NAF1: variants seen among roughly 807,000 people sequenced by gnomAD.
NAF1 encodes H/ACA ribonucleoprotein complex non-core subunit NAF1.
Under a neutral mutation model 40.6 loss-of-function variants are expected in NAF1, and 11 were observed. The ratio of observed to expected loss-of-function variants is 0.27; its 90% CI spans 0.17 to 0.45. NAF1 has a LOEUF of 0.45. Ranked by LOEUF, NAF1 falls within the 20% of genes least tolerant of loss-of-function variation. The probability of loss-of-function intolerance (pLI) is 1.00; values close to 1 mark genes in which losing one functional copy is unlikely to be tolerated. For missense variants in NAF1, 607 were observed against 611.1 expected (o/e 0.99, Z 0.07); for synonymous variants, 260 against 228.5 (o/e 1.14, Z -1.24).
At chr4:163,106,154 CCAAA>C (rs755517600), downstream of NAF1, among the ~76,000 whole-genome samples, 31 of 152,084 alleles carry the variant, frequency 2.0e-4, no homozygotes, top group African/African-American at 5.8e-4. Context: ...GACAGTTATC[CCAAA>C]CAAAGACATA....
intron 5 of NAF1, 41 bp downstream of exon 5, chr4:163,140,182 C>T (rs750413547): frequency 5.5e-6 from 8 of 1,466,170 alleles, no homozygotes; most frequent in South Asian, 5.3e-5. Context: ...AAAATATAAA[C>T]GTTAGGTAAG....
intron 3 of NAF1, among the ~76,000 whole-genome samples, chr4:163,148,068 G>C (rs998631633): frequency 6.6e-6 from 1 of 151,872 alleles, no homozygotes; most frequent in Non-Finnish European, 1.5e-5. Context: ...GCAGTAATTT[G>C]GTATAGCAAC....
chr4:163,104,403 A>C, the NAF1 span, among the ~76,000 whole-genome samples: 1 of 152,192 alleles, frequency 6.6e-6, no homozygotes, highest in Non-Finnish European at 1.5e-5. Context: ...GTTTTCAATA[A>C]ATTTGAACAT....
At chr4:163,124,995 T>C (rs1730612297), downstream of NAF1, among the ~76,000 whole-genome samples, 2 of 152,240 alleles carry the variant, frequency 1.3e-5, no homozygotes, top group Non-Finnish European at 1.5e-5. Context: ...CTGTTATTTG[T>C]GTTATAGCGA....
chr4:163,128,811 A>T lies in NAF1; in HGVS notation c.*86T>A, dbSNP rs761223601. ...TTAGTATTTTACAGTGTTTTTAAAAATCTAGCTCCATAATCACTCTTGAAA... is the reference window on the plus strand; with the variant it reads ...TTAGTATTTTACAGTGTTTTTAAAATTCTAGCTCCATAATCACTCTTGAAA... On this transcript the variant is annotated 3_prime_UTR_variant, in exon 8 of 8. Transcript: ENST00000274054. 12 of 1,383,470 alleles carry T rather than the reference A, an allele frequency of 8.7e-6. No homozygotes were observed. Among genetic ancestry groups the T allele is most frequent in the Non-Finnish European group, 1.2e-5 (12 of 1,043,370 alleles). 85.7% of individuals were successfully genotyped at this position (1,383,470 alleles called of 1,614,324 possible). A position where few individuals can be genotyped will look rare whatever the true frequency, so the allele number is the denominator to read the frequency against.
At chr4:163,144,008 GAAC>G (rs143013970) in intron 4 of NAF1, 7 of 960,966 alleles carry the variant, frequency 7.3e-6, no homozygotes, top group Middle Eastern at 5.4e-4. Context: ...AGGGGGTGGG[GAAC>G]AACACTCCAT....
At chr4:163,116,132 A>G (rs543982970) in intron 2 of NAF1, among the ~76,000 whole-genome samples, 1 of 152,216 alleles carries the variant, frequency 6.6e-6, no homozygotes, top group Non-Finnish European at 1.5e-5. Flanking sequence ...ATCTGATGAC[A>G]CATCATCAGT....
At chr4:163,140,905 G>C (rs1460646439) in intron 4 of NAF1, among the ~76,000 whole-genome samples, 2 of 152,134 alleles carry the variant, frequency 1.3e-5, no homozygotes, top group African/African-American at 4.8e-5. Flanking sequence ...TAAAGTAGAA[G>C]TTATTTATGT....
chr4:163,155,228 G>A (rs1731928985), intron 2 of NAF1, among the ~76,000 whole-genome samples: 1 of 151,978 alleles, frequency 6.6e-6, no homozygotes, highest in Non-Finnish European at 1.5e-5. Context: ...TAAACACATT[G>A]TTGTCCAATA....
At chr4:163,155,643 T>C (rs1318365122) in intron 2 of NAF1, among the ~76,000 whole-genome samples, 1 of 152,184 alleles carries the variant, frequency 6.6e-6, no homozygotes, top group African/African-American at 2.4e-5. Context: ...TTATTACAAT[T>C]ATTAGATTAA....
chr4:163,157,931 C>T (rs1168638595), intron 2 of NAF1, among the ~76,000 whole-genome samples: 2 of 152,060 alleles, frequency 1.3e-5, no homozygotes, highest in Admixed American at 1.3e-4. Flanking sequence ...ATTTACAACA[C>T]TGTTGACTTT....
intron 2 of NAF1, among the ~76,000 whole-genome samples, chr4:163,149,710 C>T (rs909643171): frequency 2.0e-5 from 3 of 152,156 alleles, no homozygotes; most frequent in Non-Finnish European, 4.4e-5. Flanking sequence ...AAAGCCTTAT[C>T]TTGGGAAGAC....
At chr4:163,121,925 G>A (rs1204094336), downstream of NAF1, among the ~76,000 whole-genome samples, 1 of 152,196 alleles carries the variant, frequency 6.6e-6, no homozygotes, top group African/African-American at 2.4e-5. Flanking sequence ...TCATCCAGAG[G>A]TGAAAGAGAT....
chr4:163,121,350 G>T (rs578095635), intron 2 of NAF1, among the ~76,000 whole-genome samples: 1 of 152,114 alleles, frequency 6.6e-6, no homozygotes, highest in South Asian at 2.1e-4. Context: ...ATTGGACTGG[G>T]TTACAAAATG....
intron 3 of NAF1, 42 bp from the exon 4 acceptor site, chr4:163,145,906 G>T: frequency 3.1e-6 from 3 of 974,590 alleles, no homozygotes; most frequent in South Asian, 1.6e-5. Flanking sequence ...ACTTATAAGA[G>T]AATGTAGAAT....
At chr4:163,128,327 T>C (rs2110866438), downstream of NAF1, among the ~76,000 whole-genome samples, 1 of 152,256 alleles carries the variant, frequency 6.6e-6, no homozygotes, top group Admixed American at 6.5e-5. Context: ...AGCTTGCCTA[T>C]GCATAATAAA....
At chr4:163,110,980 G>A (rs923066034) in intron 2 of NAF1, among the ~76,000 whole-genome samples, 3 of 151,990 alleles carry the variant, frequency 2.0e-5, no homozygotes, top group Admixed American at 6.6e-5. Context: ...ATTAAACACC[G>A]GAAACATTTT....
chr4:163,140,208 C>T lies in NAF1; in HGVS notation c.878+15G>A, dbSNP rs754646888. 8.3e-6 allele frequency: 13 copies of T among 1,558,508 alleles called. No individual in the cohort carries two copies. Among genetic ancestry groups the T allele is most frequent in the South Asian group, 4.9e-5 (4 of 81,570 alleles). On this transcript the variant is annotated intron_variant, in intron 5 of 7. Transcript: ENST00000274054. ...GTTAGGTAAGTGAAGAACAACATGC[C>T]GGTAAAGTACTTACTGTTTTAGTTT...
intron 1 of NAF1, 96 bp from the exon 2 acceptor site, chr4:163,164,487 G>C: frequency 1.2e-6 from 1 of 856,610 alleles, no homozygotes; most frequent in Non-Finnish European, 1.7e-6. Flanking sequence ...TTTAATACAA[G>C]TTTACTATTG....
Sources: allele counts gnomAD v4.1 joint callset (sites outside exome capture counted in the v4.1 genomes callset), GRCh38; gene constraint gnomAD v4.1.1; transcripts MANE v1.5; gene names NCBI Gene and HGNC (gene_info 2026-07-23, HGNC 2026-07-21).